The following PRMT1 variants were observed in gnomAD, a reference collection of about 807,000 sequenced individuals.
PRMT1 encodes the protein protein arginine methyltransferase 1.
Under a neutral mutation model 47.4 loss-of-function variants are expected in PRMT1, and 5 were observed. That is an observed-to-expected ratio of 0.11 (90% CI 0.06 to 0.22). The LOEUF is 0.22. Among genes scored for constraint, PRMT1 ranks in the 10% least tolerant of loss-of-function variants. The pLI, the probability that PRMT1 is intolerant of heterozygous loss-of-function variation, is 1.00. For missense variants in PRMT1, 249 were observed against 518.4 expected, an observed-to-expected ratio of 0.48 and a Z score of 5.05; for synonymous variants, 227 against 204.6, an observed-to-expected ratio of 1.11 and a Z score of -0.94.
rs552943275 is a variant in PRMT1, at chr19:49,684,270, C to G, written c.555+201C>G. On this transcript the variant is annotated intron_variant, in intron 6 of 10. Transcript: ENST00000454376. This position sits in a 1 kb window ranked among gnomAD's most constrained non-coding sequence, Gnocchi z 6.2. ...GGGGGAGGTCGTAGGAACAGGAAATCCGTAGCGGCGCAATAGCCCAGGTCC... is the reference window on the plus strand; with the variant it reads ...GGGGGAGGTCGTAGGAACAGGAAATGCGTAGCGGCGCAATAGCCCAGGTCC... Among the ~76,000 whole-genome samples, 1 of 152,116 alleles carries G rather than the reference C, an allele frequency of 6.6e-6. No individual in the cohort carries two copies. Among genetic ancestry groups the G allele is most frequent in the South Asian group, 2.1e-4 (1 of 4,826 alleles).
At chr19:49,687,440 G>T (rs959350928) in intron 10 of PRMT1, among the ~76,000 whole-genome samples, 1 of 152,016 alleles carries the variant, frequency 6.6e-6, no homozygotes, top group African/African-American at 2.4e-5. Flanking sequence ...ATGGAATGTG[G>T]ACCCTGGGAC....
chr19:49,682,878 T>C (rs1358906976), intron 5 of PRMT1, among the ~76,000 whole-genome samples: 1 of 147,260 alleles, frequency 6.8e-6, no homozygotes, highest in East Asian at 2.1e-4. Flanking sequence ...CTCCGCCTCC[T>C]GGGTTCAAGT....
At chr19:49,683,785 T>G in intron 5 of PRMT1, 142 bp from the exon 6 acceptor site, 1 of 929,444 alleles carries the variant, frequency 1.1e-6, no homozygotes, top group South Asian at 1.7e-5. Context: ...GTATGAATTT[T>G]AAAACTGTTA....
At chr19:49,687,475 G>A (rs978803143) in intron 10 of PRMT1, among the ~76,000 whole-genome samples, 1 of 152,046 alleles carries the variant, frequency 6.6e-6, no homozygotes, top group Admixed American at 6.5e-5. Flanking sequence ...GACAGCAGCA[G>A]TTGTCAACTG....
chr19:49,687,607 A>G (rs2082228073), intron 10 of PRMT1, among the ~76,000 whole-genome samples: 1 of 149,636 alleles, frequency 6.7e-6, no homozygotes, highest in South Asian at 2.2e-4. Flanking sequence ...GGTAGGGGCC[A>G]GGGGGCTGGT....
chr19:49,679,665 G>C, intron 1 of PRMT1: 1 of 688,198 alleles, frequency 1.5e-6, no homozygotes, highest in Non-Finnish European at 2.7e-6. Context: ...CCACAGCTGG[G>C]ATAGGAGACC....
chr19:49,686,566 G>GGGGGGGGGGGGC, intron 9 of PRMT1, 39 bp from the exon 10 acceptor site: 3 of 1,315,670 alleles, frequency 2.3e-6, no homozygotes, highest in East Asian at 2.8e-5. Flanking sequence ...GTTGGGGGGG[G>GGGGGGGGGGGGC]CAGCAGGCCG....
At position 49,682,213 on chromosome 19, in the gene PRMT1, C is replaced by G; in HGVS notation, c.366C>G (p.Ile122Met). The change falls in exon 5 of 11, where the codon ATC becomes ATG. Residue 122 changes from isoleucine (I) to methionine (M), a missense_variant. Ile to Met is a conservative substitution (Grantham distance 10). Coordinates refer to ENST00000454376, the MANE Select transcript of PRMT1 (RefSeq NM_001536.6). The stretch of plus-strand genomic sequence containing the variant: ...GCCCTCAGATCGAGTGTTCCAGTAT[C>G]TCTGATTATGCGGTGAAGATCGTCA... The part of the protein sequence containing the change: ...RKVIGIECSS[I>M]SDYAVKIVKA... The G allele has an allele frequency of 6.2e-7, 1 of 1,614,098 alleles. No individual in the cohort carries two copies. The highest frequency in any genetic ancestry group is 8.5e-7 in the Non-Finnish European group (1 of 1,180,030).
chr19:49,685,772 G>C lies in PRMT1; in HGVS notation c.760-321G>C. The C allele has an allele frequency of 8.7e-7, 1 of 1,150,728 alleles. No individual in the cohort carries two copies. Among genetic ancestry groups the C allele is most frequent in the African/African-American group, 1.6e-5 (1 of 62,662 alleles). The allele number at this position is 1,150,728 out of a possible 1,614,324, so 71.3% of individuals were successfully genotyped here. On this transcript the variant is annotated intron_variant, in intron 8 of 10. Coordinates refer to ENST00000454376, the MANE Select transcript of PRMT1 (RefSeq NM_001536.6). The surrounding 1 kb of genome is among the most constrained non-coding windows in gnomAD (Gnocchi z 4.7). ...TGTTGCCGTTTGAAGCCATCATGTTGTTGGACTTGTCAAGGGGTTGGGGAG... is the reference window on the plus strand; with the variant it reads ...TGTTGCCGTTTGAAGCCATCATGTTCTTGGACTTGTCAAGGGGTTGGGGAG...
chr19:49,685,342 C>T lies in PRMT1; in HGVS notation c.759+305C>T. On this transcript the variant is annotated intron_variant, in intron 8 of 10. Transcript: ENST00000454376. This position sits in a 1 kb window ranked among gnomAD's most constrained non-coding sequence, Gnocchi z 4.7. ...GACCCCAGGGCGATGAGCGGATGCACATGCACGCGGGCCACTGCAGAAGAG... is the reference window on the plus strand; with the variant it reads ...GACCCCAGGGCGATGAGCGGATGCATATGCACGCGGGCCACTGCAGAAGAG... The T allele has an allele frequency of 1.5e-6, 2 of 1,308,230 alleles. No individual in the cohort carries two copies. The highest frequency in any genetic ancestry group is 1.5e-5 in the South Asian group (1 of 65,896). The allele number at this position is 1,308,230 out of a possible 1,614,324, so 81.0% of individuals were successfully genotyped here.
chr19:49,682,396 G>A (rs536018140), intron 5 of PRMT1, 137 bp downstream of exon 5: 42 of 895,310 alleles, frequency 4.7e-5, no homozygotes, highest in African/African-American at 3.7e-4. Context: ...TTGGGCTGCC[G>A]GCCGCCTGAG....
At chr19:49,687,809 T>G in intron 10 of PRMT1, 1 of 357,658 alleles carries the variant, frequency 2.8e-6, no homozygotes, top group Non-Finnish European at 5.4e-6. Flanking sequence ...ACCATTGTGT[T>G]TCACTGGAAC....
chr19:49,682,119 C>A (rs769251159), intron 4 of PRMT1, 54 bp downstream of exon 4: 2 of 1,613,630 alleles, frequency 1.2e-6, no homozygotes, highest in Non-Finnish European at 1.7e-6. Context: ...GAGGGGAGCC[C>A]ATCAGGGCTC....
chr19:49,683,708 A>AT, intron 5 of PRMT1: 1 of 469,552 alleles, frequency 2.1e-6, no homozygotes, highest in South Asian at 2.6e-5. Context: ...AAAAAAAAAA[A>AT]GTAACATCAC....
chr19:49,680,191 C>A lies in PRMT1; in HGVS notation c.90+266C>A. On this transcript the variant is annotated intron_variant, in intron 2 of 10. Transcript: ENST00000454376. This position sits in a 1 kb window ranked among gnomAD's most constrained non-coding sequence, Gnocchi z 4.2. ...CCCCATTTTCCTTCCCCTCCCCTCC[C>A]CAGCTGTGGGCTGAGCTAGAGACGG... The A allele has an allele frequency of 6.3e-7, 1 of 1,594,376 alleles. No individual in the cohort carries two copies. Among genetic ancestry groups the A allele is most frequent in the South Asian group, 1.1e-5 (1 of 88,614 alleles).
At chr19:49,676,245 G>A (rs943061618), upstream of PRMT1, 1 of 152,256 alleles carries the variant, frequency 6.6e-6, no homozygotes, top group Non-Finnish European at 1.5e-5. Flanking sequence ...AGCTCATTCC[G>A]GGATTGGAGA....
Position 49,680,114 on chromosome 19 carries a change from G to T in PRMT1, c.90+189G>T, listed in dbSNP as rs1419718931. 1 of 1,156,000 alleles carries T rather than the reference G, an allele frequency of 8.7e-7. No homozygotes were observed. Among genetic ancestry groups the T allele is most frequent in the South Asian group, 1.4e-5 (1 of 73,992 alleles). 71.6% of individuals were successfully genotyped at this position (1,156,000 alleles called of 1,614,324 possible). A position where few individuals can be genotyped will look rare whatever the true frequency, so the allele number is the denominator to read the frequency against. ...CCCGCTGGCCTCCCCCAGTATCGCCGCTACTTCCTTAACTCCACCTCCAAC... is the reference window on the plus strand; with the variant it reads ...CCCGCTGGCCTCCCCCAGTATCGCCTCTACTTCCTTAACTCCACCTCCAAC... On this transcript the variant is annotated intron_variant, in intron 2 of 10. Coordinates refer to ENST00000454376, the MANE Select transcript of PRMT1 (RefSeq NM_001536.6). The surrounding 1 kb of genome is among the most constrained non-coding windows in gnomAD (Gnocchi z 4.2).
rs187625556 is a variant in PRMT1 at position 49,684,154 on chromosome 19, C to T, written c.555+85C>T. 2.7e-5 allele frequency: 42 copies of T among 1,549,818 alleles called. No individual in the cohort carries two copies. The highest frequency in any genetic ancestry group is 2.1e-4 in the Middle Eastern group (1 of 4,742). On this transcript the variant is annotated intron_variant, in intron 6 of 10. Coordinates refer to ENST00000454376, the MANE Select transcript of PRMT1 (RefSeq NM_001536.6). This position sits in a 1 kb window ranked among gnomAD's most constrained non-coding sequence, Gnocchi z 6.2. ...AACCACGCTCAATTTTTCCCACAGA[C>T]GGGACTTACTGTGGGGGCTTAGCTG...
intron 10 of PRMT1, among the ~76,000 whole-genome samples, chr19:49,687,241 G>C (rs2082221255): frequency 6.6e-6 from 1 of 152,098 alleles, no homozygotes; most frequent in Non-Finnish European, 1.5e-5. Context: ...GCCATCACCT[G>C]AGATCAGGGG....
Sources: gnomAD v4.1 joint callset for allele counts (sites outside exome capture counted in the v4.1 genomes callset) on GRCh38, gnomAD v4.1.1 for gene constraint, Gnocchi (gnomAD v3.1) non-coding constraint, MANE v1.5 for transcripts, NCBI Gene and HGNC (gene_info 2026-07-23, HGNC 2026-07-21) for gene names.